Variants in TNFRSF19 observed in about 807,000 individuals in gnomAD.
TNFRSF19 encodes TNF receptor superfamily member 19.
TNFRSF19 carries 27 observed loss-of-function variants against 46.4 expected under a neutral mutation model. The ratio of observed to expected loss-of-function variants is 0.58; its 90% CI spans 0.43 to 0.80. The LOEUF (loss-of-function observed/expected upper bound fraction) is 0.80, where lower values mean the gene tolerates loss of function less well. Among genes scored for constraint, TNFRSF19 ranks in the 30% least tolerant of loss-of-function variants. The probability of loss-of-function intolerance (pLI) is 0.00; values close to 1 mark genes in which losing one functional copy is unlikely to be tolerated. For synonymous variants in TNFRSF19, 204 were observed against 205.0 expected (o/e 1.00, Z 0.04); for missense variants, 511 against 530.8 (o/e 0.96, Z 0.37).
chr13:23,605,096 A>T (rs540028044), intron 3 of TNFRSF19, among the ~76,000 whole-genome samples: 1 of 152,356 alleles, frequency 6.6e-6, no homozygotes, highest in East Asian at 1.9e-4. Context: ...CAAAACATAC[A>T]AAAAATTCTT....
Position 23,660,409 on chromosome 13 carries a change from T to A in TNFRSF19, c.655T>A (p.Ser219Thr). 1 of 1,613,994 alleles carries A rather than the reference T, an allele frequency of 6.2e-7. No individual in the cohort carries two copies. The highest frequency in any genetic ancestry group is 8.5e-7 in the Non-Finnish European group (1 of 1,180,040). Residue 219 changes from serine to threonine, a missense_variant, in exon 7 of 10, where the codon TCG becomes ACG. Ser to Thr is a moderately conservative substitution (Grantham distance 58, BLOSUM62 1). This residue lies in a region of TNFRSF19 where 376 missense variants were observed against 372.7 expected (regional missense o/e 1.01). Coordinates refer to ENST00000248484, the MANE Select transcript of TNFRSF19 (RefSeq NM_148957.4). ...CATTCAGTACAACGGCTCTGAGCTG[T>A]CGTGTTTTGACAGACCTCAGCTCCA... ...QDIQYNGSEL[S>T]CFDRPQLHEY...
chr13:23,617,673 C>T (rs1207673082), intron 4 of TNFRSF19, among the ~76,000 whole-genome samples: 2 of 152,346 alleles, frequency 1.3e-5, no homozygotes, highest in East Asian at 1.9e-4. Context: ...CCAGAAACTG[C>T]ATTGCAGGGG....
At chr13:23,631,134 T>C (rs1593271268) in intron 5 of TNFRSF19, among the ~76,000 whole-genome samples, 2 of 152,230 alleles carry the variant, frequency 1.3e-5, no homozygotes, top group African/African-American at 4.8e-5. Context: ...TAAAATATAT[T>C]TTAAATAACA....
intron 4 of TNFRSF19, among the ~76,000 whole-genome samples, chr13:23,616,576 G>GT (rs1555273350): frequency 1.0e-4 from 11 of 106,240 alleles, no homozygotes; most frequent in African/African-American, 3.0e-4. Context: ...TTGTTTGTTT[G>GT]TTTGTTTTGT....
At chr13:23,581,307 G>A (rs539288091) in intron 1 of TNFRSF19, among the ~76,000 whole-genome samples, 82 of 151,880 alleles carry the variant, frequency 5.4e-4, no homozygotes, top group African/African-American at 1.7e-3. Flanking sequence ...CACCACACCC[G>A]GCTAATTTTT....
At position 23,668,023 on chromosome 13, in the gene TNFRSF19, C is replaced by T. The variant is rs776616198; in HGVS notation, c.780C>T (p.Cys260=). ...LLPSMCCEEA[C]SPNPATLGCG... is the part of the protein sequence containing the mutation. ...CATCCATGTGCTGTGAGGAGGCCTG[C>T]AGCCCCAACCCGGCGACTCTTGGTT... is the stretch of plus-strand genomic sequence containing the variant. Residue 260 remains cysteine, a synonymous_variant, in exon 8 of 10, where the codon TGC becomes TGT. Transcript: ENST00000248484. 6.2e-7 allele frequency: 1 copy of T among 1,610,292 alleles called. No homozygotes were observed. Among genetic ancestry groups the T allele is most frequent in the Admixed American group, 1.7e-5 (1 of 59,616 alleles).
At chr13:23,661,368 G>A (rs1174564461) in intron 7 of TNFRSF19, among the ~76,000 whole-genome samples, 3 of 152,168 alleles carry the variant, frequency 2.0e-5, no homozygotes, top group African/African-American at 7.2e-5. Flanking sequence ...CAAAAGACAC[G>A]ATCTCATCCC....
intron 5 of TNFRSF19, among the ~76,000 whole-genome samples, chr13:23,657,658 A>G (rs1443950279): frequency 6.6e-6 from 1 of 152,204 alleles, no homozygotes; most frequent in Non-Finnish European, 1.5e-5. Context: ...TAAGTAAAAT[A>G]GACTAAAGTT....
intron 3 of TNFRSF19, chr13:23,594,102 A>C (rs936594082): frequency 1.2e-5 from 4 of 340,604 alleles, no homozygotes; most frequent in African/African-American, 4.4e-5. Context: ...TGTCTGTGCA[A>C]CCCACAGACC....
chr13:23,675,273 G>C lies in TNFRSF19; in HGVS notation c.*1893G>C, dbSNP rs1951812859. 6.6e-6 allele frequency: 1 copy of C among 151,604 alleles called. No homozygotes were observed. The highest frequency in any genetic ancestry group is 2.4e-5 in the African/African-American group (1 of 40,868). The allele number at this position is 151,604 out of a possible 1,614,324, so 9.4% of individuals were successfully genotyped here. Reference sequence around the variant, plus strand: ...GTCTGTTTGCATTTCTGTTATGACAGAGAGATGATGTTTGCATTTCTGTTA... The same window carrying C: ...GTCTGTTTGCATTTCTGTTATGACACAGAGATGATGTTTGCATTTCTGTTA... On this transcript the variant is annotated 3_prime_UTR_variant, in exon 10 of 10. Transcript: ENST00000248484.
intron 9 of TNFRSF19, among the ~76,000 whole-genome samples, chr13:23,671,296 A>G (rs1415783817): frequency 6.6e-6 from 1 of 152,208 alleles, no homozygotes; most frequent in Non-Finnish European, 1.5e-5. Context: ...ATTACACTCA[A>G]GTTGCACAGT....
At position 23,668,956 on chromosome 13, in the gene TNFRSF19, C is replaced by T. The variant is rs575987663; in HGVS notation, c.1104C>T (p.Asn368=). Residue 368 remains asparagine (N), a synonymous_variant, in exon 9 of 10, where the codon AAC becomes AAT. Transcript: ENST00000248484. ...GAVPVQSHSE[N]FTAATDLSRY... The stretch of plus-strand genomic sequence containing the variant: ...TTCCAGTCCAGTCTCATTCTGAAAA[C>T]TTTACAGCAGCTACTGATTTATCTA... 3.7e-6 allele frequency: 6 copies of T among 1,614,242 alleles called. No homozygotes were observed. In the Admixed American group the frequency reaches 8.3e-5, roughly 22 times the overall value.
At chr13:23,611,554 C>G (rs1880911740) in intron 3 of TNFRSF19, among the ~76,000 whole-genome samples, 1 of 151,978 alleles carries the variant, frequency 6.6e-6, no homozygotes, top group African/African-American at 2.4e-5. Context: ...AGGACAGGGC[C>G]CAACAGAGAG....
intron 5 of TNFRSF19, among the ~76,000 whole-genome samples, chr13:23,648,885 C>T (rs1211596785): frequency 6.6e-6 from 1 of 152,134 alleles, no homozygotes; most frequent in Non-Finnish European, 1.5e-5. Context: ...TATTGATTGA[C>T]TTTTGTATGA....
intron 1 of TNFRSF19, among the ~76,000 whole-genome samples, chr13:23,575,697 C>T (rs1877909088): frequency 1.3e-5 from 2 of 152,144 alleles, no homozygotes; most frequent in African/African-American, 4.8e-5. Context: ...AAACTGTAAA[C>T]CAAAGAGACA....
chr13:23,639,740 C>T (rs900224198), intron 5 of TNFRSF19, among the ~76,000 whole-genome samples: 1 of 151,998 alleles, frequency 6.6e-6, no homozygotes, highest in Non-Finnish European at 1.5e-5. Context: ...AGGGAGCGGG[C>T]GACAGTGAGA....
chr13:23,605,183 C>T (rs1201306719), intron 3 of TNFRSF19, among the ~76,000 whole-genome samples: 1 of 152,146 alleles, frequency 6.6e-6, no homozygotes, highest in African/African-American at 2.4e-5. Context: ...AGAAGATACA[C>T]AGATGGCAAA....
chr13:23,611,354 G>A (rs1175015942), intron 3 of TNFRSF19, among the ~76,000 whole-genome samples: 1 of 152,202 alleles, frequency 6.6e-6, no homozygotes, highest in African/African-American at 2.4e-5. Context: ...GCTGGGTTTG[G>A]TGGATGGAAA....
intron 5 of TNFRSF19, among the ~76,000 whole-genome samples, chr13:23,649,416 C>T (rs1228668018): frequency 6.6e-6 from 1 of 151,970 alleles, no homozygotes; most frequent in Non-Finnish European, 1.5e-5. Context: ...GTAATATTCT[C>T]TTTCATTTCT....
Sources: gnomAD v4.1 joint callset for allele counts (sites outside exome capture counted in the v4.1 genomes callset) on GRCh38, gnomAD v4.1.1 for gene constraint, gnomAD v4.1.1 regional missense constraint, MANE v1.5 for transcripts, NCBI Gene and HGNC (gene_info 2026-07-23, HGNC 2026-07-21) for gene names.